PARP15: variants seen among roughly 807,000 people sequenced by gnomAD.
The protein encoded by PARP15 is protein mono-ADP-ribosyltransferase PARP15.
Under a neutral mutation model 62.1 loss-of-function variants are expected in PARP15, and 50 were observed. The ratio of observed to expected loss-of-function variants is 0.81; its 90% confidence interval spans 0.64 to 1.02. The LOEUF (loss-of-function observed/expected upper bound fraction) is 1.02, where lower values mean the gene tolerates loss of function less well. Among genes scored for constraint, PARP15 ranks in the 50% least tolerant of loss-of-function variants. PARP15 has a pLI of 0.00. For missense variants in PARP15, 820 were observed against 826.5 expected, an observed-to-expected ratio of 0.99 and a Z score of 0.10; for synonymous variants, 309 against 293.1, an observed-to-expected ratio of 1.05 and a Z score of -0.55.
intron 1 of PARP15, among the ~76,000 whole-genome samples, chr3:122,600,346 C>A: frequency 6.6e-6 from 1 of 151,970 alleles, no homozygotes; most frequent in Non-Finnish European, 1.5e-5. Context: ...TATTGTTTCC[C>A]ATGTTGACCT....
At chr3:122,579,808 G>C (rs529758314) in intron 1 of PARP15, among the ~76,000 whole-genome samples, 1 of 151,256 alleles carries the variant, frequency 6.6e-6, no homozygotes. Context: ...GTGAAACCTC[G>C]TCTCTACTAA....
At chr3:122,579,993 C>CTATATGTA (rs1553725400) in intron 1 of PARP15, among the ~76,000 whole-genome samples, 1,883 of 70,760 alleles carry the variant, frequency 0.027, 70 homozygotes, top group East Asian at 0.1. Flanking sequence ...ACAACAGCAA[C>CTATATGTA]TATATGTATA....
chr3:122,594,708 A>G (rs1553248), intron 1 of PARP15: 917,695 of 945,630 alleles, frequency 0.97, 445,714 homozygotes, highest in Non-Finnish European at 0.98. Flanking sequence ...CTAATATGAA[A>G]TAAAATTACA....
In PARP15 at chr3:122,613,445, G is replaced by A. The variant is rs151266300; in HGVS notation, c.771+177G>A. Among the ~76,000 whole-genome samples the A allele has an allele frequency of 8.6e-3, 1,309 of 152,284 alleles. 8 individuals carry two copies. The highest frequency in any genetic ancestry group is 0.015 in the Non-Finnish European group (991 of 68,032). On this transcript the variant is annotated intron_variant, in intron 4 of 11. Transcript: ENST00000464300. ...CCAACACTGATAACTCATGTTCCTA[G>A]ACAGTTCATCAAGAGACAAGCTAAT...
chr3:122,634,513 T>TA (rs1937241623), intron 10 of PARP15, among the ~76,000 whole-genome samples: 1 of 152,220 alleles, frequency 6.6e-6, no homozygotes, highest in African/African-American at 2.4e-5. Context: ...TTTGAAATGC[T>TA]ATTCAGAGGT....
intron 1 of PARP15, among the ~76,000 whole-genome samples, chr3:122,596,095 A>G (rs1352717370): frequency 6.6e-6 from 1 of 151,612 alleles, no homozygotes; most frequent in Admixed American, 6.6e-5. Context: ...GCGGTGGCTC[A>G]CTCCTGTAAT....
chr3:122,593,100 C>CTATCTATA (rs1383862290), intron 1 of PARP15, among the ~76,000 whole-genome samples: 5 of 71,162 alleles, frequency 7.0e-5, no homozygotes, highest in African/African-American at 1.6e-4. Flanking sequence ...GTCTATCTAT[C>CTATCTATA]TATCTATCTA....
At chr3:122,577,911 G>T in intron 1 of PARP15, 58 bp downstream of exon 1, 12 of 1,455,024 alleles carry the variant, frequency 8.2e-6, no homozygotes, top group Non-Finnish European at 1.1e-5. Flanking sequence ...CCTGGGGCCC[G>T]CAAGACCCAG....
intron 2 of PARP15, among the ~76,000 whole-genome samples, chr3:122,608,251 C>G (rs371009318): frequency 4.8e-5 from 6 of 125,942 alleles, no homozygotes; most frequent in East Asian, 2.3e-4. Flanking sequence ...GAGTCTTGCT[C>G]TGTCGCCCAG....
intron 1 of PARP15, among the ~76,000 whole-genome samples, chr3:122,595,747 G>T (rs1934285769): frequency 1.3e-5 from 2 of 152,106 alleles, no homozygotes; most frequent in Admixed American, 1.3e-4. Context: ...TGCCCAGGGT[G>T]GTCCCAAACT....
chr3:122,595,625 C>T (rs1424702496), intron 1 of PARP15, among the ~76,000 whole-genome samples: 1 of 152,194 alleles, frequency 6.6e-6, no homozygotes, highest in African/African-American at 2.4e-5. Flanking sequence ...TCTTGGCCCA[C>T]TGCCACTTCC....
intron 1 of PARP15, among the ~76,000 whole-genome samples, chr3:122,584,326 T>C (rs1324006676): frequency 6.6e-6 from 1 of 152,164 alleles, no homozygotes; most frequent in Non-Finnish European, 1.5e-5. Flanking sequence ...CTTCCAGGTA[T>C]AAATCATGTC....
At position 122,621,625 on chromosome 3, in the gene PARP15, C is replaced by T; in HGVS notation, c.1231+14C>T. On this transcript the variant is annotated intron_variant, in intron 8 of 11. Transcript: ENST00000464300. ...CCATTGGAACAGGTTTGCAGCTTAT[C>T]ATTCTATAATAAAATTTGAGTGATA... The T allele has an allele frequency of 6.4e-7, 1 of 1,567,778 alleles. No homozygotes were observed. The highest frequency in any genetic ancestry group is 8.6e-7 in the Non-Finnish European group (1 of 1,160,876).
intron 2 of PARP15, 37 bp downstream of exon 2, chr3:122,606,092 G>C (rs1215554550): frequency 6.5e-7 from 1 of 1,539,464 alleles, no homozygotes; most frequent in East Asian, 2.5e-5. Context: ...CCAAGGAACA[G>C]TGGGATCTAT....
At chr3:122,632,285 T>TA (rs749900945) in intron 10 of PARP15, 66 bp downstream of exon 10, 119 of 1,440,630 alleles carry the variant, frequency 8.3e-5, no homozygotes, top group Non-Finnish European at 1.1e-4. Context: ...TATCTCTTTT[T>TA]AAATAACACC....
At chr3:122,628,679 C>G (rs1936884218) in intron 9 of PARP15, among the ~76,000 whole-genome samples, 1 of 152,138 alleles carries the variant, frequency 6.6e-6, no homozygotes, top group Non-Finnish European at 1.5e-5. Flanking sequence ...CTAAAATGAG[C>G]AGACAACTGA....
chr3:122,585,391 T>C (rs1382644076), intron 1 of PARP15, among the ~76,000 whole-genome samples: 2 of 152,164 alleles, frequency 1.3e-5, no homozygotes, highest in Admixed American at 6.5e-5. Context: ...TTTATAGCCA[T>C]AGAATAATGG....
intron 1 of PARP15, among the ~76,000 whole-genome samples, chr3:122,583,390 G>A (rs1443092719): frequency 6.6e-6 from 1 of 151,808 alleles, no homozygotes; most frequent in Non-Finnish European, 1.5e-5. Context: ...GCCTCCCAAA[G>A]TGCTGGGATT....
intron 1 of PARP15, among the ~76,000 whole-genome samples, chr3:122,598,606 T>C (rs1353409407): frequency 2.0e-5 from 3 of 152,194 alleles, no homozygotes; most frequent in African/African-American, 7.2e-5. Context: ...CGCAGAAAGC[T>C]GCAGTGCTTT....
Sources: allele counts gnomAD v4.1 joint callset (sites outside exome capture counted in the v4.1 genomes callset), GRCh38; gene constraint gnomAD v4.1.1; transcripts MANE v1.5; gene names NCBI Gene and HGNC (gene_info 2026-07-23, HGNC 2026-07-21).